SLC2A13: variants seen among roughly 807,000 people sequenced by gnomAD.
SLC2A13 encodes the protein proton myo-inositol cotransporter.
A neutral mutation model predicts 64.4 loss-of-function variants in SLC2A13; 32 were observed. That is an observed-to-expected ratio of 0.50 (90% CI 0.37 to 0.67). The LOEUF (loss-of-function observed/expected upper bound fraction) is 0.67. Ranked by LOEUF, SLC2A13 falls within the 30% of genes least tolerant of loss-of-function variation. SLC2A13 has a pLI of 0.00. For missense variants in SLC2A13, 743 were observed against 829.2 expected (o/e 0.90, Z 1.28); for synonymous variants, 338 against 327.1 (o/e 1.03, Z -0.36).
intron 7 of SLC2A13, among the ~76,000 whole-genome samples, chr12:39,772,026 AC>A (rs1361011169): frequency 3.3e-5 from 5 of 152,100 alleles, no homozygotes; most frequent in East Asian, 3.9e-4. Context: ...TGTGGATGCT[AC>A]CCATTCACCT....
At chr12:39,867,523 T>C (rs1164988013) in intron 5 of SLC2A13, among the ~76,000 whole-genome samples, 2 of 152,034 alleles carry the variant, frequency 1.3e-5, no homozygotes. Flanking sequence ...GAGGTTAGTA[T>C]GGTACAACTA....
chr12:39,779,936 G>A (rs1055823447), intron 7 of SLC2A13, among the ~76,000 whole-genome samples: 1 of 152,192 alleles, frequency 6.6e-6, no homozygotes, highest in African/African-American at 2.4e-5. Context: ...GTGGGCTATC[G>A]TGATGCAAAC....
intron 3 of SLC2A13, among the ~76,000 whole-genome samples, chr12:40,010,891 G>A (rs542745106): frequency 6.6e-6 from 1 of 152,288 alleles, no homozygotes; most frequent in South Asian, 2.1e-4. Flanking sequence ...TGCCAGCTGT[G>A]AGTGTGTTGT....
In SLC2A13 at chr12:39,829,033, T is replaced by G. The variant is rs139838363; in HGVS notation, c.1445+1070A>C. Among the ~76,000 whole-genome samples, 1,035 of 152,286 alleles carry G rather than the reference T, an allele frequency of 6.8e-3. 9 individuals carry two copies. Among genetic ancestry groups the G allele is most frequent in the Middle Eastern group, 0.014 (4 of 294 alleles). On this transcript the variant is annotated intron_variant, in intron 7 of 9. Coordinates refer to ENST00000280871, the MANE Select transcript of SLC2A13 (RefSeq NM_052885.4). ...TTATAGCTCCTATGAGACACAATACTTTATTACAGATTTCATTGCCTTTAT... is the reference window on the plus strand; with the variant it reads ...TTATAGCTCCTATGAGACACAATACGTTATTACAGATTTCATTGCCTTTAT...
intron 4 of SLC2A13, among the ~76,000 whole-genome samples, chr12:39,894,978 C>G (rs1269958307): frequency 6.6e-6 from 1 of 152,194 alleles, no homozygotes; most frequent in Non-Finnish European, 1.5e-5. Flanking sequence ...TAAGAAGCAT[C>G]ATGGACCATG....
chr12:39,768,764 G>T (rs994933169), intron 7 of SLC2A13, among the ~76,000 whole-genome samples: 1 of 151,984 alleles, frequency 6.6e-6, no homozygotes, highest in African/African-American at 2.4e-5. Context: ...TAATGAAAAA[G>T]TCTGAAATAA....
intron 4 of SLC2A13, among the ~76,000 whole-genome samples, chr12:39,885,317 G>A (rs1944441718): frequency 6.6e-6 from 1 of 152,148 alleles, no homozygotes; most frequent in Non-Finnish European, 1.5e-5. Context: ...GAGTGGGCTT[G>A]TAGAAAAACA....
chr12:40,026,508 T>C (rs1947809923), intron 3 of SLC2A13, among the ~76,000 whole-genome samples: 1 of 152,192 alleles, frequency 6.6e-6, no homozygotes, highest in Non-Finnish European at 1.5e-5. Context: ...TGTCTAAAAC[T>C]CAAATAGGAT....
intron 2 of SLC2A13, among the ~76,000 whole-genome samples, chr12:40,034,054 A>T (rs1387268101): frequency 1.3e-5 from 2 of 152,238 alleles, no homozygotes; most frequent in Non-Finnish European, 2.9e-5. Flanking sequence ...TTACACTGGA[A>T]GATCTATATG....
intron 3 of SLC2A13, among the ~76,000 whole-genome samples, chr12:39,971,997 A>AAAAAATATAG (rs1375405006): frequency 1.3e-5 from 1 of 77,380 alleles, no homozygotes; most frequent in Non-Finnish European, 2.5e-5. Flanking sequence ...AAAAAAAAAA[A>AAAAAATATAG]ATATATATAT....
intron 4 of SLC2A13, among the ~76,000 whole-genome samples, chr12:39,928,301 T>C (rs1945761845): frequency 1.3e-5 from 2 of 152,194 alleles, no homozygotes; most frequent in South Asian, 4.1e-4. Context: ...TTACTCATAT[T>C]AGAGAATTCT....
intron 3 of SLC2A13, among the ~76,000 whole-genome samples, chr12:39,980,033 A>G (rs1484539481): frequency 2.0e-5 from 3 of 151,962 alleles, no homozygotes; most frequent in African/African-American, 4.8e-5. Flanking sequence ...ATTCTTAAAG[A>G]AAAGAATTTT....
chr12:39,927,154 C>T (rs1419129256), intron 4 of SLC2A13, among the ~76,000 whole-genome samples: 2 of 152,150 alleles, frequency 1.3e-5, no homozygotes, highest in Non-Finnish European at 2.9e-5. Context: ...GTCTACAGTT[C>T]ATGTATCATA....
At chr12:39,760,976 A>ACACAC in intron 9 of SLC2A13, among the ~76,000 whole-genome samples, 1 of 150,254 alleles carries the variant, frequency 6.7e-6, no homozygotes, top group African/African-American at 2.4e-5. Flanking sequence ...ACACACACAT[A>ACACAC]ATTGAATTGC....
chr12:40,092,831 G>T (rs1938812397), intron 1 of SLC2A13, among the ~76,000 whole-genome samples: 1 of 152,168 alleles, frequency 6.6e-6, no homozygotes, highest in Non-Finnish European at 1.5e-5. Context: ...TTACAGTCTG[G>T]GTGAACTACG....
chr12:39,909,527 A>G (rs186723999), intron 4 of SLC2A13, among the ~76,000 whole-genome samples: 11 of 152,252 alleles, frequency 7.2e-5, no homozygotes, highest in Admixed American at 3.9e-4. Flanking sequence ...TTAAATACAT[A>G]CAGACCTGTT....
chr12:39,922,058 G>A (rs866848014), intron 4 of SLC2A13, among the ~76,000 whole-genome samples: 6 of 151,966 alleles, frequency 3.9e-5, no homozygotes, highest in African/African-American at 9.7e-5. Flanking sequence ...AAATTTATGC[G>A]ATTTATATTA....
intron 4 of SLC2A13, among the ~76,000 whole-genome samples, chr12:39,942,828 T>C (rs1005483120): frequency 3.9e-5 from 6 of 152,186 alleles, no homozygotes; most frequent in African/African-American, 9.7e-5. Context: ...CCTTTGAAGA[T>C]GAGGTTTTCT....
At chr12:39,877,288 G>A (rs1944210693) in intron 4 of SLC2A13, among the ~76,000 whole-genome samples, 1 of 152,106 alleles carries the variant, frequency 6.6e-6, no homozygotes, top group Non-Finnish European at 1.5e-5. Context: ...GAGAGCAAAG[G>A]TATGTCTTAC....
Sources: gnomAD v4.1 joint callset for allele counts (sites outside exome capture counted in the v4.1 genomes callset) on GRCh38, gnomAD v4.1.1 for gene constraint, MANE v1.5 for transcripts, NCBI Gene and HGNC (gene_info 2026-07-23, HGNC 2026-07-21) for gene names.